SLC25A13: variants seen among roughly 807,000 people sequenced by gnomAD.
SLC25A13 encodes electrogenic aspartate/glutamate antiporter SLC25A13, mitochondrial.
SLC25A13 carries 70 observed loss-of-function variants against 85.5 expected under a neutral mutation model. That is an observed-to-expected ratio of 0.82 (90% confidence interval 0.68 to 1.00). The LOEUF is 1.00. Among genes scored for constraint, SLC25A13 ranks in the 50% least tolerant of loss-of-function variants. The pLI, the probability that SLC25A13 is intolerant of heterozygous loss-of-function variation, is 0.00. For missense variants in SLC25A13, 765 were observed against 819.8 expected, an observed-to-expected ratio of 0.93 and a Z score of 0.82; for synonymous variants, 259 against 288.7, an observed-to-expected ratio of 0.90 and a Z score of 1.04.
chr7:96,246,248 C>T (rs1797184991), intron 3 of SLC25A13, among the ~76,000 whole-genome samples: 1 of 152,198 alleles, frequency 6.6e-6, no homozygotes, highest in Admixed American at 6.5e-5. Flanking sequence ...AAGGCACAGC[C>T]CAAGGAACAG....
intron 11 of SLC25A13, among the ~76,000 whole-genome samples, chr7:96,173,684 G>A (rs768996614): frequency 1.3e-5 from 2 of 152,136 alleles, no homozygotes; most frequent in Non-Finnish European, 2.9e-5. Flanking sequence ...CAAAATGTTG[G>A]GATTGCAGGT....
intron 4 of SLC25A13, among the ~76,000 whole-genome samples, chr7:96,214,445 C>T (rs1450074267): frequency 6.6e-6 from 1 of 152,128 alleles, no homozygotes; most frequent in Admixed American, 6.5e-5. Flanking sequence ...AAAAACAACT[C>T]GGTCAGGCGC....
intron 15 of SLC25A13, among the ~76,000 whole-genome samples, chr7:96,128,955 T>G (rs914221064): frequency 2.0e-5 from 3 of 147,222 alleles, no homozygotes; most frequent in Admixed American, 6.8e-5. Flanking sequence ...TCTCTCTCTC[T>G]CTCTCTCTCT....
In SLC25A13 at chr7:96,322,028, A is replaced by T. The variant is rs746839249; in HGVS notation, c.-72T>A. On this transcript the variant is annotated 5_prime_UTR_variant, in exon 1 of 18. Transcript: ENST00000265631. Reference sequence around the variant, plus strand: ...CTGGCGTTTGGGACCCGGGCGGCTCACTTCTAGTCCCGGCGGCGGCGGCGG... The same window carrying T: ...CTGGCGTTTGGGACCCGGGCGGCTCTCTTCTAGTCCCGGCGGCGGCGGCGG... 1 of 1,524,388 alleles carries T rather than the reference A, an allele frequency of 6.6e-7. No individual in the cohort carries two copies. Among genetic ancestry groups the T allele is most frequent in the Non-Finnish European group, 8.8e-7 (1 of 1,135,224 alleles). 94.4% of individuals were successfully genotyped at this position (1,524,388 alleles called of 1,614,324 possible).
intron 1 of SLC25A13, among the ~76,000 whole-genome samples, chr7:96,305,318 G>T (rs912607639): frequency 2.0e-5 from 3 of 152,176 alleles, no homozygotes; most frequent in African/African-American, 7.2e-5. Flanking sequence ...GGAGACACTG[G>T]ACAACATTGT....
At chr7:96,188,618 T>C (rs1354496149) in intron 9 of SLC25A13, among the ~76,000 whole-genome samples, 1 of 152,200 alleles carries the variant, frequency 6.6e-6, no homozygotes, top group African/African-American at 2.4e-5. Flanking sequence ...TATGAAGGCT[T>C]TTCTTCTCTA....
At chr7:96,294,394 C>T (rs1240047230) in intron 2 of SLC25A13, among the ~76,000 whole-genome samples, 4 of 151,932 alleles carry the variant, frequency 2.6e-5, no homozygotes, top group East Asian at 1.9e-4. Flanking sequence ...CAAACCTGCA[C>T]GTTGTGCCCA....
intron 2 of SLC25A13, among the ~76,000 whole-genome samples, chr7:96,292,260 G>A (rs1799155559): frequency 6.6e-6 from 1 of 152,082 alleles, no homozygotes; most frequent in African/African-American, 2.4e-5. Context: ...CAATAAATTA[G>A]GTAAAGATGG....
rs766541414 is a variant in SLC25A13, at chr7:96,208,860, G to A, written c.446C>T (p.Ala149Val). The change falls in exon 5 of 18, where the codon GCG (alanine) becomes GTG (valine). Residue 149 changes from alanine (A) to valine (V), a missense_variant. Physicochemically the swap from Ala to Val is moderately conservative, Grantham distance 64 (BLOSUM62 0). Transcript: ENST00000265631. ...GKERKRHLTY[A>V]EFTQFLLEIQ... ...CACCAATAAAAACTGAGTAAATTCC[G>A]CATATGTCAGGTGTCTTTTTCTTTC... is the stretch of plus-strand genomic sequence containing the variant. The A allele has an allele frequency of 9.9e-6, 16 of 1,613,798 alleles. No individual in the cohort carries two copies. The highest frequency in any genetic ancestry group is 6.7e-5 in the African/African-American group (5 of 74,862).
At chr7:96,268,277 C>T (rs1000405910) in intron 3 of SLC25A13, among the ~76,000 whole-genome samples, 1 of 152,216 alleles carries the variant, frequency 6.6e-6, no homozygotes, top group Non-Finnish European at 1.5e-5. Flanking sequence ...AGAATTTTCA[C>T]CTTGCTCTTA....
chr7:96,297,727 T>C (rs904892832), intron 1 of SLC25A13, among the ~76,000 whole-genome samples: 1 of 152,200 alleles, frequency 6.6e-6, no homozygotes, highest in Admixed American at 6.6e-5. Context: ...AACAGGCATG[T>C]ATACCTCACT....
chr7:96,255,333 T>C (rs1230045426), intron 3 of SLC25A13, among the ~76,000 whole-genome samples: 1 of 152,258 alleles, frequency 6.6e-6, no homozygotes, highest in Non-Finnish European at 1.5e-5. Flanking sequence ...TTTAACTGTG[T>C]CAATTTATCT....
chr7:96,145,869 T>C (rs1262883146), intron 14 of SLC25A13, among the ~76,000 whole-genome samples: 2 of 152,216 alleles, frequency 1.3e-5, no homozygotes, highest in African/African-American at 2.4e-5. Flanking sequence ...CTATCTTAAG[T>C]AGACATTTTA....
chr7:96,120,340 G>A lies in SLC25A13; in HGVS notation c.*851C>T, dbSNP rs536495851. On this transcript the variant is annotated 3_prime_UTR_variant, in exon 18 of 18. Coordinates refer to ENST00000265631, the MANE Select transcript of SLC25A13 (RefSeq NM_014251.3). ...TTTGTCTTACATTATTCAAGATAAA[G>A]TGGATTTTAAAAGCAAGTGGGTACC... The A allele has an allele frequency of 2.4e-5, 11 of 454,062 alleles. No individual in the cohort carries two copies. The East Asian group carries it at 7.6e-4, about 32-fold the overall frequency. The allele number at this position is 454,062 out of a possible 1,614,324, so 28.1% of individuals were successfully genotyped here.
intron 1 of SLC25A13, among the ~76,000 whole-genome samples, chr7:96,297,294 A>G (rs772374636): frequency 6.6e-6 from 1 of 152,186 alleles, no homozygotes; most frequent in Non-Finnish European, 1.5e-5. Flanking sequence ...TCACAGGAGA[A>G]TTTAAGTAAA....
intron 13 of SLC25A13, among the ~76,000 whole-genome samples, chr7:96,159,601 G>A (rs906856082): frequency 3.9e-5 from 6 of 152,134 alleles, no homozygotes; most frequent in African/African-American, 1.4e-4. Context: ...TGTGGTATGA[G>A]GCATTTTGTT....
intron 14 of SLC25A13, among the ~76,000 whole-genome samples, chr7:96,133,050 C>G (rs760534229): frequency 6.6e-6 from 1 of 152,130 alleles, no homozygotes; most frequent in African/African-American, 2.4e-5. Context: ...AATTAGTTGC[C>G]TCACACAAGT....
At chr7:96,147,325 TACA>T (rs542229296) in intron 13 of SLC25A13, among the ~76,000 whole-genome samples, 8 of 152,218 alleles carry the variant, frequency 5.3e-5, no homozygotes, top group Non-Finnish European at 1.2e-4. Context: ...ATTACTTGTG[TACA>T]GAATTGCTCT....
chr7:96,297,351 T>C (rs956395497), intron 1 of SLC25A13, among the ~76,000 whole-genome samples: 8 of 151,988 alleles, frequency 5.3e-5, no homozygotes, highest in African/African-American at 1.2e-4. Context: ...TTTTTTTTTT[T>C]CTGAGACAGT....
Sources: allele counts gnomAD v4.1 joint callset (sites outside exome capture counted in the v4.1 genomes callset), GRCh38; gene constraint gnomAD v4.1.1; transcripts MANE v1.5; gene names NCBI Gene and HGNC (gene_info 2026-07-23, HGNC 2026-07-21).